XPO6: variants seen among roughly 807,000 people sequenced by gnomAD.
XPO6 encodes exportin 6.
In XPO6, 3 loss-of-function variants were observed where a neutral mutation model predicts 130.0. That is an observed-to-expected ratio of 0.02 (90% confidence interval 0.01 to 0.06). The LOEUF is 0.06. XPO6 is among the 10% of genes least tolerant of loss of function. The pLI, the probability that XPO6 is intolerant of heterozygous loss-of-function variation, is 1.00. For synonymous variants in XPO6, 524 were observed against 548.9 expected, an observed-to-expected ratio of 0.95 and a Z score of 0.63; for missense variants, 970 against 1,393.0, an observed-to-expected ratio of 0.70 and a Z score of 4.83.
At chr16:28,109,356 A>G (rs2086863409) in intron 17 of XPO6, among the ~76,000 whole-genome samples, 1 of 151,052 alleles carries the variant, frequency 6.6e-6, no homozygotes, top group Non-Finnish European at 1.5e-5. Flanking sequence ...AGTGGTGCAG[A>G]ACACAGGAGC....
chr16:28,147,158 T>C (rs1355941389), intron 8 of XPO6, among the ~76,000 whole-genome samples: 1 of 152,212 alleles, frequency 6.6e-6, no homozygotes, highest in Non-Finnish European at 1.5e-5. Context: ...CTGATCCACA[T>C]GGAAATCTAG....
chr16:28,117,086 T>G (rs2087083767), intron 15 of XPO6: 3 of 491,022 alleles, frequency 6.1e-6, no homozygotes, highest in Middle Eastern at 5.6e-4. Context: ...ATTTTACTTT[T>G]TCACAGTGAG....
At chr16:28,142,198 C>T (rs1038882098) in intron 9 of XPO6, among the ~76,000 whole-genome samples, 4 of 152,216 alleles carry the variant, frequency 2.6e-5, no homozygotes, top group Admixed American at 6.5e-5. Flanking sequence ...GATTCCAGAA[C>T]ATCCCAACTT....
At chr16:28,172,705 C>CGGG (rs1165672620) in intron 4 of XPO6, among the ~76,000 whole-genome samples, 2 of 152,186 alleles carry the variant, frequency 1.3e-5, no homozygotes, top group African/African-American at 2.4e-5. Flanking sequence ...ATAACAAAAA[C>CGGG]TGCATAGATA....
intron 4 of XPO6, among the ~76,000 whole-genome samples, chr16:28,170,129 T>TAA (rs1414472037): frequency 6.6e-6 from 1 of 151,994 alleles, no homozygotes; most frequent in African/African-American, 2.4e-5. Flanking sequence ...GGTCGGGAGT[T>TAA]AGAGACCAGC....
At chr16:28,145,997 G>T in intron 9 of XPO6, 97 bp downstream of exon 9, 1 of 856,024 alleles carries the variant, frequency 1.2e-6, no homozygotes, top group Non-Finnish European at 1.9e-6. Flanking sequence ...ACATGACTCA[G>T]CTTCACTGAA....
At chr16:28,114,354 T>G (rs1022528405) in intron 15 of XPO6, among the ~76,000 whole-genome samples, 1 of 152,154 alleles carries the variant, frequency 6.6e-6, no homozygotes, top group African/African-American at 2.4e-5. Context: ...GAGAAAAAAG[T>G]CTGGAAGGAT....
In XPO6 at chr16:28,190,265, G is replaced by A. The variant is rs112133449; in HGVS notation, c.4-9234C>T. ...AGACTGAGTTTAGCTCTATCGCCCA[G>A]CTGGAGTGCAGTGGCACAATCTCAG... On this transcript the variant is annotated intron_variant, in intron 1 of 23. Coordinates refer to ENST00000304658, the MANE Select transcript of XPO6 (RefSeq NM_015171.4). 4.0e-3 allele frequency among the ~76,000 whole-genome samples: 603 copies of A among 149,716 alleles called. 8 individuals carry two copies. Among genetic ancestry groups the A allele is most frequent in the African/African-American group, 0.013 (519 of 40,438 alleles).
chr16:28,136,514 A>G (rs974754295), intron 9 of XPO6, among the ~76,000 whole-genome samples: 10 of 152,172 alleles, frequency 6.6e-5, no homozygotes, highest in Admixed American at 3.9e-4. Context: ...TCCCGCGCCC[A>G]GCACCAATGG....
intron 1 of XPO6, chr16:28,208,870 T>C (rs923856143): frequency 6.6e-6 from 1 of 152,242 alleles, no homozygotes; most frequent in Non-Finnish European, 1.5e-5. Flanking sequence ...GAAAATTCAC[T>C]TGTAAGATTT....
At chr16:28,197,674 T>C (rs1460568495) in intron 1 of XPO6, among the ~76,000 whole-genome samples, 1 of 151,978 alleles carries the variant, frequency 6.6e-6, no homozygotes, top group East Asian at 1.9e-4. Context: ...CCCAGCACTT[T>C]GCGAGGCCCG....
rs538501078 is a variant in XPO6 at position 28,193,845 on chromosome 16, T to C, written c.4-12814A>G. On this transcript the variant is annotated intron_variant, in intron 1 of 23. Coordinates refer to ENST00000304658, the MANE Select transcript of XPO6 (RefSeq NM_015171.4). ...AGTGACTCAGTCCGTCTCTCAGCTC[T>C]GCCCCTTCTACAGGCACCAGCCCAA... 1.4e-4 allele frequency among the ~76,000 whole-genome samples: 22 copies of C among 152,292 alleles called. No homozygotes were observed. In the South Asian group the frequency reaches 3.9e-3, roughly 27 times the overall value.
intron 4 of XPO6, among the ~76,000 whole-genome samples, chr16:28,171,572 C>T (rs1372112645): frequency 1.3e-5 from 2 of 151,920 alleles, no homozygotes; most frequent in Non-Finnish European, 2.9e-5. Context: ...AGGACAAGTA[C>T]TCAATAATGG....
At position 28,166,340 on chromosome 16, in the gene XPO6, A is replaced by G. The variant is rs1160709546; in HGVS notation, c.643+168T>C. On this transcript the variant is annotated intron_variant, in intron 6 of 23. Coordinates refer to ENST00000304658, the MANE Select transcript of XPO6 (RefSeq NM_015171.4). ...TATTTTTTTAATGTAATTTTTAAAA[A>G]CAGAGATAGAGTCTCACTATGTTGC... Among the ~76,000 whole-genome samples, 3 of 152,108 alleles carry G rather than the reference A, an allele frequency of 2.0e-5. No homozygotes were observed. In the East Asian group the frequency reaches 5.8e-4, roughly 29 times the overall value.
Position 28,132,339 on chromosome 16 carries a change from C to T in XPO6, c.1601G>A (p.Gly534Glu). 1 of 1,604,608 alleles carries T rather than the reference C, an allele frequency of 6.2e-7. No individual in the cohort carries two copies. The highest frequency in any genetic ancestry group is 1.1e-5 in the South Asian group (1 of 89,370). The change falls in exon 12 of 24, where the codon GGG becomes GAG. Residue 534 changes from glycine (G) to glutamate (E), a missense_variant. Physicochemically the swap from Gly to Glu is moderately conservative, Grantham distance 98 (BLOSUM62 -2). This residue lies in a region of XPO6 where 936 missense variants were observed against 1,306.8 expected (regional missense o/e 0.72). Transcript: ENST00000304658. This position sits in a 1 kb window ranked among gnomAD's most constrained non-coding sequence, Gnocchi z 4.0. ...LGLQQFIVTS[G>E]SGHRLNITAE... Reference sequence around the variant, plus strand: ...GAAAATAAAAACCAGTTTACCTGACCCTGAAGTGACTATAAACTGTTGTAA... The same window carrying T: ...GAAAATAAAAACCAGTTTACCTGACTCTGAAGTGACTATAAACTGTTGTAA...
At chr16:28,189,027 ACT>A (rs1193652530) in intron 1 of XPO6, among the ~76,000 whole-genome samples, 1 of 151,588 alleles carries the variant, frequency 6.6e-6, no homozygotes, top group South Asian at 2.1e-4. Flanking sequence ...AGTGGCACAA[ACT>A]CTATCTCCCG....
intron 12 of XPO6, among the ~76,000 whole-genome samples, chr16:28,126,352 G>A (rs1436040383): frequency 2.0e-5 from 3 of 152,160 alleles, no homozygotes; most frequent in East Asian, 1.9e-4. Context: ...TGCTAAGAGA[G>A]GAGAGGTACA....
rs545669112 is a variant in XPO6, at chr16:28,187,243, T to C, written c.4-6212A>G. On this transcript the variant is annotated intron_variant, in intron 1 of 23. Coordinates refer to ENST00000304658, the MANE Select transcript of XPO6 (RefSeq NM_015171.4). ...AGCGAGTACCTAGCCCCATCCTGCA[T>C]TTGCTTCTGAGACTGCAATTTATAG... is the stretch of plus-strand genomic sequence containing the variant. Among the ~76,000 whole-genome samples the C allele has an allele frequency of 2.0e-5, 3 of 152,292 alleles. No individual in the cohort carries two copies. In the East Asian group the frequency reaches 5.8e-4, roughly 29 times the overall value.
chr16:28,151,838 G>A (rs779543581), intron 8 of XPO6, among the ~76,000 whole-genome samples: 2 of 152,058 alleles, frequency 1.3e-5, no homozygotes, highest in South Asian at 4.2e-4. Flanking sequence ...AGTCAGCCTC[G>A]TCAACATAGC....
Sources: gnomAD v4.1 joint callset for allele counts (sites outside exome capture counted in the v4.1 genomes callset) on GRCh38, gnomAD v4.1.1 for gene constraint, gnomAD v4.1.1 regional missense constraint, Gnocchi (gnomAD v3.1) non-coding constraint, MANE v1.5 for transcripts, NCBI Gene and HGNC (gene_info 2026-07-23, HGNC 2026-07-21) for gene names.